Variants in FAM135B observed in about 807,000 individuals in gnomAD.
FAM135B encodes protein FAM135B.
In FAM135B, 43 loss-of-function variants were observed where a neutral mutation model predicts 127.7. That is an observed-to-expected ratio of 0.34 (90% confidence interval 0.26 to 0.43). The LOEUF (loss-of-function observed/expected upper bound fraction) is 0.43. Among genes scored for constraint, FAM135B ranks in the 20% least tolerant of loss-of-function variants. The probability of loss-of-function intolerance (pLI) is 1.00; values close to 1 mark genes in which losing one functional copy is unlikely to be tolerated. For synonymous variants in FAM135B, 670 were observed against 665.1 expected, an observed-to-expected ratio of 1.01 and a Z score of -0.11; for missense variants, 1,558 against 1,725.6, an observed-to-expected ratio of 0.90 and a Z score of 1.72.
At chr8:138,405,265 A>T (rs1375827526) in intron 1 of FAM135B, among the ~76,000 whole-genome samples, 1 of 150,766 alleles carries the variant, frequency 6.6e-6, no homozygotes, top group Non-Finnish European at 1.5e-5. Context: ...ACAAGTGCAC[A>T]ATGTGCAGGT....
At chr8:138,368,935 A>G (rs1587257603) in intron 1 of FAM135B, among the ~76,000 whole-genome samples, 1 of 152,100 alleles carries the variant, frequency 6.6e-6, no homozygotes, top group African/African-American at 2.4e-5. Context: ...ATTCCATGTA[A>G]GTTGCCTGAT....
chr8:138,297,352 C>T (rs561807548), intron 3 of FAM135B, among the ~76,000 whole-genome samples: 3 of 152,224 alleles, frequency 2.0e-5, no homozygotes, highest in Non-Finnish European at 4.4e-5. Context: ...CTATCATGCT[C>T]ATATGCAGAA....
At chr8:138,425,051 T>C (rs966752571) in intron 1 of FAM135B, among the ~76,000 whole-genome samples, 3 of 152,238 alleles carry the variant, frequency 2.0e-5, no homozygotes, top group African/African-American at 7.2e-5. Context: ...AAAGCCATGT[T>C]GGGCCAACCA....
chr8:138,154,575 T>C (rs572006569), intron 12 of FAM135B, among the ~76,000 whole-genome samples: 5 of 152,092 alleles, frequency 3.3e-5, no homozygotes, highest in Admixed American at 2.0e-4. Flanking sequence ...CTAACTAGAA[T>C]AAACAGCATA....
intron 7 of FAM135B, among the ~76,000 whole-genome samples, chr8:138,208,164 G>C (rs1163648030): frequency 6.6e-6 from 1 of 152,152 alleles, no homozygotes; most frequent in Admixed American, 6.5e-5. Flanking sequence ...TTGAGGTTGG[G>C]GGTGGCACAC....
chr8:138,304,154 A>G (rs1567690), intron 3 of FAM135B, among the ~76,000 whole-genome samples: 99,714 of 151,998 alleles, frequency 0.66, 32,893 homozygotes, highest in Admixed American at 0.76. Flanking sequence ...ACTTCAGCCC[A>G]TCAGGCAACT....
intron 3 of FAM135B, among the ~76,000 whole-genome samples, chr8:138,277,137 A>T (rs1361846250): frequency 6.6e-6 from 1 of 152,076 alleles, no homozygotes; most frequent in African/African-American, 2.4e-5. Flanking sequence ...CACCTCATTT[A>T]TTCTCCTTCT....
At chr8:138,336,720 T>G (rs919077656) in intron 2 of FAM135B, among the ~76,000 whole-genome samples, 1 of 152,014 alleles carries the variant, frequency 6.6e-6, no homozygotes, top group African/African-American at 2.4e-5. Context: ...TTATTACAAT[T>G]AATAGAAAAA....
At chr8:138,201,487 A>G (rs925621321) in intron 7 of FAM135B, among the ~76,000 whole-genome samples, 1 of 152,206 alleles carries the variant, frequency 6.6e-6, no homozygotes, top group African/African-American at 2.4e-5. Flanking sequence ...AAAACAAAAA[A>G]ACTTCCATTC....
intron 2 of FAM135B, among the ~76,000 whole-genome samples, chr8:138,320,310 TTAGG>T (rs1211570592): frequency 2.0e-5 from 3 of 152,130 alleles, no homozygotes; most frequent in Non-Finnish European, 4.4e-5. Flanking sequence ...CTCAGAGAAG[TTAGG>T]TAATTTGCCC....
chr8:138,134,627 G>C (rs1477011166), intron 19 of FAM135B, among the ~76,000 whole-genome samples: 4 of 152,090 alleles, frequency 2.6e-5, no homozygotes, highest in Non-Finnish European at 5.9e-5. Context: ...TGAAGTCAGA[G>C]AGGTTGAGAG....
rs531399496 is a variant in FAM135B, at chr8:138,187,179, G to A, written c.873+8079C>T. Among the ~76,000 whole-genome samples the A allele has an allele frequency of 1.1e-3, 168 of 152,282 alleles. 2 individuals are homozygous for A. Among genetic ancestry groups the A allele is most frequent in the African/African-American group, 3.9e-3 (160 of 41,558 alleles). ...TTCCTTGTATGGTATTGTGATGGAA[G>A]GAAATTAAAATTTCTTACTCCCAAA... On this transcript the variant is annotated intron_variant, in intron 9 of 19. Transcript: ENST00000395297.
In FAM135B at chr8:138,433,339, T is replaced by C. The variant is rs944719358; in HGVS notation, c.-20+63332A>G. Among the ~76,000 whole-genome samples the C allele has an allele frequency of 1.5e-4, 23 of 151,750 alleles. 1 individual carries two copies. Among genetic ancestry groups the C allele is most frequent in the Admixed American group, 9.2e-4 (14 of 15,216 alleles). ...GAGTTCAAGACCAGCCTGACCAACA[T>C]GGTGAAACCCCGTCTCTATTAAAAA... On this transcript the variant is annotated intron_variant, in intron 1 of 19. Coordinates refer to ENST00000395297, the MANE Select transcript of FAM135B (RefSeq NM_015912.4).
intron 1 of FAM135B, among the ~76,000 whole-genome samples, chr8:138,405,103 C>A (rs543736458): frequency 6.6e-6 from 1 of 152,224 alleles, no homozygotes; most frequent in South Asian, 2.1e-4. Flanking sequence ...CCCTGATCCA[C>A]GGGTTTCAGA....
intron 11 of FAM135B, among the ~76,000 whole-genome samples, chr8:138,176,936 C>T (rs991082922): frequency 4.6e-5 from 7 of 152,160 alleles, no homozygotes; most frequent in East Asian, 3.9e-4. Context: ...CTCCTAATTA[C>T]GTAGTTCAGA....
intron 1 of FAM135B, among the ~76,000 whole-genome samples, chr8:138,447,519 C>G (rs1169101760): frequency 6.6e-6 from 1 of 152,070 alleles, no homozygotes; most frequent in African/African-American, 2.4e-5. Context: ...ATGGATGAAG[C>G]TGGAACCTAT....
chr8:138,473,218 A>C (rs757064864), intron 1 of FAM135B, among the ~76,000 whole-genome samples: 1 of 152,152 alleles, frequency 6.6e-6, no homozygotes, highest in African/African-American at 2.4e-5. Flanking sequence ...CACTAAGAAT[A>C]AAACATGCTG....
chr8:138,491,167 A>AAAAAAAAAAAAAC (rs1564040507), intron 1 of FAM135B, among the ~76,000 whole-genome samples: 5 of 151,422 alleles, frequency 3.3e-5, no homozygotes, highest in African/African-American at 1.2e-4. Context: ...AAAGAAAGAA[A>AAAAAAAAAAAAAC]GAAAGAAAGA....
chr8:138,265,558 G>T, intron 4 of FAM135B, 145 bp downstream of exon 4: 1 of 811,968 alleles, frequency 1.2e-6, no homozygotes, highest in Non-Finnish European at 1.9e-6. Flanking sequence ...ACATAAATAA[G>T]TGCATGAGTG....
Sources: allele counts gnomAD v4.1 joint callset (sites outside exome capture counted in the v4.1 genomes callset), GRCh38; gene constraint gnomAD v4.1.1; transcripts MANE v1.5; gene names NCBI Gene and HGNC (gene_info 2026-07-23, HGNC 2026-07-21).